NEK1: variants seen among roughly 807,000 people sequenced by gnomAD.
NEK1 encodes serine/threonine-protein kinase Nek1.
A neutral mutation model predicts 182.1 loss-of-function variants in NEK1; 137 were observed. The observed-to-expected ratio is 0.75, with a 90% CI of 0.65 to 0.87. The LOEUF (loss-of-function observed/expected upper bound fraction) is 0.87. Ranked by LOEUF, NEK1 falls within the 40% of genes least tolerant of loss-of-function variation. The probability of loss-of-function intolerance (pLI) is 0.00; values close to 1 mark genes in which losing one functional copy is unlikely to be tolerated. For missense variants in NEK1, 1,391 were observed against 1,494.4 expected (o/e 0.93, Z 1.14); for synonymous variants, 513 against 492.2 (o/e 1.04, Z -0.56).
intron 22 of NEK1, among the ~76,000 whole-genome samples, chr4:169,507,335 T>C (rs962046117): frequency 3.9e-5 from 6 of 151,976 alleles, no homozygotes; most frequent in Non-Finnish European, 8.8e-5. Flanking sequence ...GTTCAATAAA[T>C]ATTTGCTGAG....
chr4:169,563,799 T>C (rs1473829160), intron 12 of NEK1, among the ~76,000 whole-genome samples: 1 of 152,224 alleles, frequency 6.6e-6, no homozygotes. Context: ...AAAGTTAGTG[T>C]TAAGTTTCAC....
rs11270666 is a variant in NEK1, at chr4:169,590,321, TAGACAGAC to T, written c.396+397_396+404del. Among the ~76,000 whole-genome samples the T allele has an allele frequency of 1.4e-3, 204 of 151,044 alleles. 1 individual carries two copies. Among genetic ancestry groups the T allele is most frequent in the Non-Finnish European group, 2.3e-3 (157 of 67,852 alleles). On this transcript the variant is annotated intron_variant, in intron 6 of 35. Transcript: ENST00000507142. Reference sequence around the variant, plus strand: ...GAGACTCCGTCTCAAAAACAATAGATAGACAGACAGACAGACAGACAGACAGACAGGCA... The same window carrying T: ...GAGACTCCGTCTCAAAAACAATAGATAGACAGACAGACAGACAGACAGGCA...
intron 29 of NEK1, among the ~76,000 whole-genome samples, chr4:169,428,322 A>G (rs1329100571): frequency 1.6e-5 from 2 of 129,032 alleles, no homozygotes; most frequent in Non-Finnish European, 3.4e-5. Flanking sequence ...CTACGTGCCC[A>G]TCAACTGATG....
In NEK1 at chr4:169,537,857, C is replaced by A; in HGVS notation, c.1617G>T (p.Gln539His). 6.2e-7 allele frequency: 1 copy of A among 1,612,000 alleles called. No homozygotes were observed. The highest frequency in any genetic ancestry group is 8.5e-7 in the Non-Finnish European group (1 of 1,178,848). The part of the protein sequence containing the change: ...ERAKQVEEFL[Q>H]RKREAMQNKA... ...TATTCTGCATAGCTTCCCGTTTTCGCTGCAGGAACTCTTCTACTTGTTTAG... is the reference window on the plus strand; with the variant it reads ...TATTCTGCATAGCTTCCCGTTTTCGATGCAGGAACTCTTCTACTTGTTTAG... The change falls in exon 19 of 36, where the codon CAG becomes CAT. Residue 539 changes from glutamine to histidine, a missense_variant. Physicochemically the swap from Gln to His is conservative, Grantham distance 24. Transcript: ENST00000507142.
intron 23 of NEK1, chr4:169,506,655 A>C (rs1411381130): frequency 6.5e-6 from 1 of 153,592 alleles, no homozygotes; most frequent in Non-Finnish European, 1.4e-5. Context: ...CGGGAGGCTG[A>C]GGCAGAAGAA....
intron 19 of NEK1, among the ~76,000 whole-genome samples, chr4:169,518,388 TTCTC>T (rs1398975764): frequency 3.6e-5 from 5 of 138,222 alleles, no homozygotes; most frequent in African/African-American, 6.2e-5. Context: ...TATTTGATTC[TTCTC>T]TCTTTTTTTC....
chr4:169,565,451 G>C (rs981560455), intron 12 of NEK1, among the ~76,000 whole-genome samples: 1 of 152,006 alleles, frequency 6.6e-6, no homozygotes, highest in African/African-American at 2.4e-5. Flanking sequence ...TATTGTTGAA[G>C]AACAAGAAAT....
chr4:169,456,735 T>C (rs1211863296), intron 27 of NEK1, among the ~76,000 whole-genome samples: 1 of 152,180 alleles, frequency 6.6e-6, no homozygotes, highest in Non-Finnish European at 1.5e-5. Context: ...AGGAAATCAG[T>C]ATATCAAACA....
At chr4:169,528,394 G>A (rs1409575210) in intron 19 of NEK1, among the ~76,000 whole-genome samples, 2 of 152,160 alleles carry the variant, frequency 1.3e-5, no homozygotes, top group Non-Finnish European at 2.9e-5. Flanking sequence ...CAGCCAGCAA[G>A]CAGCTGGGAC....
rs773730029 is a variant in NEK1 at position 169,456,133 on chromosome 4, AT to A, written c.2587+7109del. 2.8e-4 allele frequency among the ~76,000 whole-genome samples: 42 copies of A among 152,334 alleles called. 1 individual carries two copies. The highest frequency in any genetic ancestry group is 4.7e-4 in the Non-Finnish European group (32 of 68,034). ...GAATAAACAGTGGGTCAATGAAGAA[AT>A]TAAGAAGGAAATTGAAAAAAATTTT... is the stretch of plus-strand genomic sequence containing the variant. On this transcript the variant is annotated intron_variant, in intron 27 of 35. Transcript: ENST00000507142.
At chr4:169,442,550 T>C (rs182862701) in intron 27 of NEK1, among the ~76,000 whole-genome samples, 19 of 152,236 alleles carry the variant, frequency 1.2e-4, no homozygotes, top group African/African-American at 4.1e-4. Flanking sequence ...TAAGGAAACA[T>C]GATACCTCCA....
At chr4:169,593,568 A>C (rs1355788508) in intron 5 of NEK1, among the ~76,000 whole-genome samples, 1 of 152,236 alleles carries the variant, frequency 6.6e-6, no homozygotes, top group Non-Finnish European at 1.5e-5. Flanking sequence ...AAAGCAGAGA[A>C]GAAAGGCACA....
intron 10 of NEK1, among the ~76,000 whole-genome samples, chr4:169,582,489 G>A (rs1766819104): frequency 1.3e-5 from 2 of 152,122 alleles, no homozygotes; most frequent in Admixed American, 1.3e-4. Flanking sequence ...GCCAAGTCTG[G>A]CTCACAGGCA....
At chr4:169,586,708 C>A in intron 9 of NEK1, among the ~76,000 whole-genome samples, 1 of 151,418 alleles carries the variant, frequency 6.6e-6, no homozygotes, top group African/African-American at 2.4e-5. Flanking sequence ...ATGCTTTTTT[C>A]CTTAAGAAAG....
intron 19 of NEK1, among the ~76,000 whole-genome samples, chr4:169,523,795 A>G (rs1326703077): frequency 3.9e-5 from 6 of 152,218 alleles, no homozygotes; most frequent in Admixed American, 6.5e-5. Context: ...TTTACTGCTT[A>G]TATGTTCCTG....
At chr4:169,522,808 T>C (rs567938375) in intron 19 of NEK1, among the ~76,000 whole-genome samples, 89 of 152,308 alleles carry the variant, frequency 5.8e-4, no homozygotes, top group African/African-American at 2.1e-3. Context: ...AATGTTGAGG[T>C]TCCCTATCTT....
At chr4:169,601,135 A>T (rs1349158923) in intron 4 of NEK1, among the ~76,000 whole-genome samples, 1 of 152,222 alleles carries the variant, frequency 6.6e-6, no homozygotes, top group Non-Finnish European at 1.5e-5. Context: ...GTACCTTGTG[A>T]CATAATGTAT....
chr4:169,473,510 T>G (rs78202425), intron 26 of NEK1, among the ~76,000 whole-genome samples: 1,826 of 152,248 alleles, frequency 0.012, 36 homozygotes, highest in African/African-American at 0.041. Flanking sequence ...AACCTGCACA[T>G]GTACACCCTG....
chr4:169,587,782 T>C (rs939407001), intron 8 of NEK1, among the ~76,000 whole-genome samples, 169 bp from the exon 9 acceptor site: 4 of 151,944 alleles, frequency 2.6e-5, no homozygotes, highest in Non-Finnish European at 4.4e-5. Flanking sequence ...CTGTCCCAGA[T>C]TGGAAAAAGA....
Sources: allele counts gnomAD v4.1 joint callset (sites outside exome capture counted in the v4.1 genomes callset), GRCh38; gene constraint gnomAD v4.1.1; transcripts MANE v1.5; gene names NCBI Gene and HGNC (gene_info 2026-07-23, HGNC 2026-07-21).